The following KLHL29 variants were observed in gnomAD, a reference collection of about 807,000 sequenced individuals.
The protein encoded by KLHL29 is kelch like family member 29, also known as kelch-like protein 29.
KLHL29 carries 21 observed loss-of-function variants against 80.4 expected under a neutral mutation model. The observed-to-expected ratio is 0.26, with a 90% CI of 0.19 to 0.38. The LOEUF is 0.38. Among genes scored for constraint, KLHL29 ranks in the 10% least tolerant of loss-of-function variants. KLHL29 has a pLI of 1.00. For synonymous variants in KLHL29, 511 were observed against 526.8 expected, an observed-to-expected ratio of 0.97 and a Z score of 0.41; for missense variants, 867 against 1,223.9, an observed-to-expected ratio of 0.71 and a Z score of 4.35.
At chr2:23,552,282 T>G (rs1667150579) in intron 2 of KLHL29, among the ~76,000 whole-genome samples, 1 of 152,242 alleles carries the variant, frequency 6.6e-6, no homozygotes, top group African/African-American at 2.4e-5. Context: ...CTGGCCATGC[T>G]GGCTGTGCGC....
intron 3 of KLHL29, among the ~76,000 whole-genome samples, chr2:23,598,215 A>G (rs1313829998): frequency 6.6e-6 from 1 of 152,236 alleles, no homozygotes; most frequent in Non-Finnish European, 1.5e-5. Flanking sequence ...CATATTTTGC[A>G]TCAAATCCTG....
rs11125167 is a variant in KLHL29 at position 23,693,814 on chromosome 2, C to T, written c.1542+286C>T. On this transcript the variant is annotated intron_variant, in intron 8 of 13. Transcript: ENST00000486442. Reference sequence around the variant, plus strand: ...GGGGGCTCTGGGGCTCCCAGGAACACGGACCCAGCTGGAGGAGCCCATACC... The same window carrying T: ...GGGGGCTCTGGGGCTCCCAGGAACATGGACCCAGCTGGAGGAGCCCATACC... 1.6e-3 allele frequency among the ~76,000 whole-genome samples: 240 copies of T among 152,274 alleles called. 1 individual carries two copies. The highest frequency in any genetic ancestry group is 5.3e-3 in the African/African-American group (220 of 41,564).
intron 1 of KLHL29, among the ~76,000 whole-genome samples, chr2:23,441,141 A>G (rs183722814): frequency 5.5e-4 from 84 of 152,300 alleles, no homozygotes; most frequent in African/African-American, 2.0e-3. Context: ...ATGGAATACT[A>G]TGCAGCCATA....
chr2:23,695,577 C>G lies in KLHL29; in HGVS notation c.1543-46C>G, dbSNP rs749512639. The stretch of plus-strand genomic sequence containing the variant: ...CCATTTCTTTCCGTCCGGGAGGTGG[C>G]TCTCTCTTGCTAGTCTAAGAAGATT... On this transcript the variant is annotated intron_variant, in intron 8 of 13. Transcript: ENST00000486442. This position sits in a 1 kb window ranked among gnomAD's most constrained non-coding sequence, Gnocchi z 7.6. 7.4e-7 allele frequency: 1 copy of G among 1,346,506 alleles called. No homozygotes were observed. The highest frequency in any genetic ancestry group is 1.4e-5 in the South Asian group (1 of 72,142). 83.4% of individuals were successfully genotyped at this position (1,346,506 alleles called of 1,614,324 possible).
chr2:23,584,623 C>G (rs914052971), intron 3 of KLHL29, among the ~76,000 whole-genome samples: 1 of 152,228 alleles, frequency 6.6e-6, no homozygotes, highest in African/African-American at 2.4e-5. Flanking sequence ...CCTAGACTTA[C>G]TCTGGGCACA....
chr2:23,464,080 T>C (rs139039507), intron 1 of KLHL29, among the ~76,000 whole-genome samples: 2 of 152,358 alleles, frequency 1.3e-5, no homozygotes, highest in African/African-American at 2.4e-5. Flanking sequence ...AGCCTATGCT[T>C]CCATCAGGGA....
At chr2:23,462,902 A>G (rs1041575401) in intron 1 of KLHL29, among the ~76,000 whole-genome samples, 1 of 152,228 alleles carries the variant, frequency 6.6e-6, no homozygotes, top group Non-Finnish European at 1.5e-5. Flanking sequence ...TGGGAGGCCA[A>G]GGTGGGAGGA....
At position 23,623,152 on chromosome 2, in the gene KLHL29, G is replaced by A. The variant is rs116928560; in HGVS notation, c.286-15987G>A. On this transcript the variant is annotated intron_variant, in intron 3 of 13. Coordinates refer to ENST00000486442, the MANE Select transcript of KLHL29 (RefSeq NM_052920.2). The stretch of plus-strand genomic sequence containing the variant: ...TGATCTCGGGTCTTAGACGGGACAT[G>A]TCTCATGTGAGGTGGCCTGGGATGT... Among the ~76,000 whole-genome samples the A allele has an allele frequency of 6.5e-4, 99 of 152,296 alleles. 1 individual carries two copies. In the East Asian group the frequency reaches 0.018, roughly 28 times the overall value.
intron 2 of KLHL29, among the ~76,000 whole-genome samples, chr2:23,533,034 C>T (rs1206275480): frequency 1.3e-5 from 2 of 152,166 alleles, no homozygotes; most frequent in African/African-American, 4.8e-5. Flanking sequence ...TGCTGCCTGG[C>T]CTGGTCTTTG....
At chr2:23,478,393 C>G (rs905584380) in intron 2 of KLHL29, among the ~76,000 whole-genome samples, 3 of 152,148 alleles carry the variant, frequency 2.0e-5, no homozygotes, top group Admixed American at 2.0e-4. Flanking sequence ...GTGGAAGCAG[C>G]TATCAGTTTA....
intron 1 of KLHL29, among the ~76,000 whole-genome samples, chr2:23,450,737 T>A (rs1416815040): frequency 3.9e-5 from 6 of 152,224 alleles, no homozygotes; most frequent in Non-Finnish European, 1.5e-5. Context: ...AACAACAGCT[T>A]TATTGATAAA....
chr2:23,657,624 T>C (rs1670282166), intron 5 of KLHL29, among the ~76,000 whole-genome samples: 1 of 152,232 alleles, frequency 6.6e-6, no homozygotes, highest in Non-Finnish European at 1.5e-5. Flanking sequence ...CATGTGCTGA[T>C]ATCAAGCTTT....
intron 11 of KLHL29, among the ~76,000 whole-genome samples, chr2:23,701,190 C>CT (rs1672342865): frequency 7.7e-5 from 1 of 13,044 alleles, no homozygotes; most frequent in South Asian, 0.012. Context: ...TCCTTGGCAA[C>CT]TATCTCAATG....
chr2:23,652,238 A>T (rs1250037302), intron 5 of KLHL29, among the ~76,000 whole-genome samples: 1 of 152,204 alleles, frequency 6.6e-6, no homozygotes, highest in East Asian at 1.9e-4. Flanking sequence ...CATTGGATAT[A>T]TTTCCCATGA....
intron 1 of KLHL29, among the ~76,000 whole-genome samples, chr2:23,432,611 G>T (rs1373653850): frequency 1.3e-5 from 2 of 152,246 alleles, no homozygotes; most frequent in Non-Finnish European, 2.9e-5. Flanking sequence ...AAATCAACAG[G>T]GTGGTGGGAT....
chr2:23,616,061 T>A (rs748241982), intron 3 of KLHL29, among the ~76,000 whole-genome samples: 2 of 152,234 alleles, frequency 1.3e-5, no homozygotes, highest in African/African-American at 2.4e-5. Flanking sequence ...AAGACCTCAC[T>A]GGACCTATGG....
At chr2:23,604,320 C>T (rs1334870684) in intron 3 of KLHL29, among the ~76,000 whole-genome samples, 1 of 152,138 alleles carries the variant, frequency 6.6e-6, no homozygotes, top group African/African-American at 2.4e-5. Flanking sequence ...TGGTCTCGAT[C>T]TCCTGACCTT....
At chr2:23,561,098 G>T (rs1163020043) in intron 2 of KLHL29, among the ~76,000 whole-genome samples, 1 of 152,158 alleles carries the variant, frequency 6.6e-6, no homozygotes, top group African/African-American at 2.4e-5. Context: ...CATGCCCAGG[G>T]CTGTGGGTGT....
chr2:23,408,616 G>A (rs974638911), intron 1 of KLHL29, among the ~76,000 whole-genome samples: 4 of 152,190 alleles, frequency 2.6e-5, no homozygotes, highest in Admixed American at 1.3e-4. Flanking sequence ...AGCTGTTAAT[G>A]TTTGTACATT....
Sources: allele counts gnomAD v4.1 joint callset (sites outside exome capture counted in the v4.1 genomes callset), GRCh38; gene constraint gnomAD v4.1.1; non-coding constraint Gnocchi (gnomAD v3.1); transcripts MANE v1.5; gene names NCBI Gene and HGNC (gene_info 2026-07-23, HGNC 2026-07-21).